The following IQCM variants were observed in gnomAD, a reference collection of about 807,000 sequenced individuals.
IQCM encodes IQ domain-containing protein M.
In IQCM, 45 loss-of-function variants were observed where a neutral mutation model predicts 57.6. That is an observed-to-expected ratio of 0.78 (90% CI 0.62 to 1.00). The LOEUF (loss-of-function observed/expected upper bound fraction) is 1.00. Ranked by LOEUF, IQCM falls within the 50% of genes least tolerant of loss-of-function variation. The pLI is 0.00. For synonymous variants in IQCM, 148 were observed against 158.9 expected (o/e 0.93, Z 0.51); for missense variants, 468 against 511.6 (o/e 0.91, Z 0.82).
At chr4:149,643,297 A>C (rs896292237) in intron 7 of IQCM, among the ~76,000 whole-genome samples, 3 of 152,212 alleles carry the variant, frequency 2.0e-5, no homozygotes, top group Non-Finnish European at 4.4e-5. Flanking sequence ...TGCAAGATGA[A>C]CAAGAAGAAG....
chr4:149,486,998 A>G (rs1171348219), intron 12 of IQCM, among the ~76,000 whole-genome samples: 1 of 94,972 alleles, frequency 1.1e-5, no homozygotes, highest in Non-Finnish European at 2.9e-5. Context: ...TTTCTCAAAC[A>G]GAAAGAGTCT....
chr4:149,379,898 G>A (rs1260409295), intron 13 of IQCM, among the ~76,000 whole-genome samples: 1 of 152,062 alleles, frequency 6.6e-6, no homozygotes, highest in Non-Finnish European at 1.5e-5. Flanking sequence ...GTTGTGGGAG[G>A]GACCAAGTGG....
chr4:149,592,933 T>C (rs11099737), intron 8 of IQCM, among the ~76,000 whole-genome samples: 32,469 of 152,008 alleles, frequency 0.21, 4,329 homozygotes, highest in Non-Finnish European at 0.29. Context: ...TTGTCTTGGC[T>C]ATGTGGGCTC....
rs182412073 is a variant in IQCM at position 149,385,824 on chromosome 4, T to G, written c.1391-33758A>C. 2.2e-3 allele frequency among the ~76,000 whole-genome samples: 328 copies of G among 152,262 alleles called. 1 individual carries two copies. The highest frequency in any genetic ancestry group is 3.2e-3 in the Non-Finnish European group (218 of 68,000). ...TTGACGACTACCATAATTCAAATTA[T>G]GATCATCAACCACATTTACTATTAC... On this transcript the variant is annotated intron_variant, in intron 13 of 13. Coordinates refer to ENST00000636793, the MANE Select transcript of IQCM (RefSeq NM_001363507.2).
At chr4:149,391,987 G>A (rs1731888576) in intron 13 of IQCM, among the ~76,000 whole-genome samples, 1 of 151,868 alleles carries the variant, frequency 6.6e-6, no homozygotes, top group African/African-American at 2.4e-5. Context: ...GTCTATTAAA[G>A]TCTAGGTGGT....
intron 2 of IQCM, among the ~76,000 whole-genome samples, chr4:149,777,700 T>C (rs1363110460): frequency 6.6e-6 from 1 of 152,200 alleles, no homozygotes; most frequent in Non-Finnish European, 1.5e-5. Context: ...GATGTAATTT[T>C]CCCTTTTCTT....
chr4:149,413,080 G>A (rs1299582322), intron 13 of IQCM, among the ~76,000 whole-genome samples: 4 of 152,172 alleles, frequency 2.6e-5, no homozygotes, highest in Non-Finnish European at 5.9e-5. Flanking sequence ...AGATGAACAT[G>A]TATGCACATT....
intron 2 of IQCM, among the ~76,000 whole-genome samples, chr4:149,772,102 A>C (rs1770641935): frequency 6.6e-6 from 1 of 152,160 alleles, no homozygotes; most frequent in Non-Finnish European, 1.5e-5. Context: ...TCTTTTGATC[A>C]ATTAATCCTT....
intron 13 of IQCM, among the ~76,000 whole-genome samples, chr4:149,414,818 T>TA (rs1733630282): frequency 6.6e-6 from 1 of 152,048 alleles, no homozygotes; most frequent in Admixed American, 6.5e-5. Context: ...GTCTCAAATA[T>TA]AAAATTTAAT....
chr4:149,673,484 T>G (rs921112531), intron 7 of IQCM, among the ~76,000 whole-genome samples: 20 of 152,034 alleles, frequency 1.3e-4, no homozygotes, highest in South Asian at 2.1e-4. Flanking sequence ...TAGTCTCTGA[T>G]AAAACAGACT....
At chr4:149,742,572 G>A in intron 3 of IQCM, 83 bp downstream of exon 3, 1 of 721,010 alleles carries the variant, frequency 1.4e-6, no homozygotes, top group Admixed American at 4.3e-5. Flanking sequence ...AGTGCTCTGA[G>A]GGTCACTAAT....
At chr4:149,366,265 A>G (rs1729827683) in intron 13 of IQCM, among the ~76,000 whole-genome samples, 1 of 152,032 alleles carries the variant, frequency 6.6e-6, no homozygotes, top group Admixed American at 6.6e-5. Flanking sequence ...GACTTTTTAG[A>G]CTGGCTTGTG....
At chr4:149,463,637 T>C (rs1738539214) in intron 12 of IQCM, among the ~76,000 whole-genome samples, 1 of 152,202 alleles carries the variant, frequency 6.6e-6, no homozygotes, top group East Asian at 1.9e-4. Flanking sequence ...TAAAAGTCCC[T>C]AAATAGTGCA....
intron 2 of IQCM, among the ~76,000 whole-genome samples, chr4:149,753,993 G>A (rs1301445326): frequency 1.3e-5 from 2 of 151,992 alleles, no homozygotes; most frequent in African/African-American, 4.8e-5. Context: ...AATCATCTAA[G>A]CTGATTATCT....
chr4:149,499,933 AC>A (rs1743067317), intron 12 of IQCM, among the ~76,000 whole-genome samples: 1 of 152,168 alleles, frequency 6.6e-6, no homozygotes, highest in Non-Finnish European at 1.5e-5. Context: ...CTTGTGTCTG[AC>A]CCTTCCTTGC....
At chr4:149,554,702 CTTTCT>C (rs1223960125) in intron 10 of IQCM, among the ~76,000 whole-genome samples, 11 of 44,178 alleles carry the variant, frequency 2.5e-4, no homozygotes, top group Non-Finnish European at 3.1e-4. Context: ...CTTTTCTTTT[CTTTCT>C]TTTTTTTTTT....
chr4:149,717,550 C>T (rs758277137), intron 5 of IQCM, among the ~76,000 whole-genome samples: 1 of 152,120 alleles, frequency 6.6e-6, no homozygotes, highest in African/African-American at 2.4e-5. Context: ...TTTCAGCACA[C>T]TATTATCCCA....
chr4:149,381,770 T>C (rs1731095292), intron 13 of IQCM, among the ~76,000 whole-genome samples: 1 of 151,358 alleles, frequency 6.6e-6, no homozygotes, highest in Non-Finnish European at 1.5e-5. Flanking sequence ...TGTATGTATG[T>C]ATTTTTAGAT....
intron 2 of IQCM, among the ~76,000 whole-genome samples, chr4:149,794,614 AT>A (rs1473469775): frequency 1.3e-5 from 2 of 152,164 alleles, no homozygotes; most frequent in African/African-American, 4.8e-5. Context: ...CATAAGAGAA[AT>A]TCCAAGAAAT....
Sources: allele counts gnomAD v4.1 joint callset (sites outside exome capture counted in the v4.1 genomes callset), GRCh38; gene constraint gnomAD v4.1.1; transcripts MANE v1.5; gene names NCBI Gene and HGNC (gene_info 2026-07-23, HGNC 2026-07-21).